Variants in EVA1C observed in about 807,000 individuals in gnomAD.
EVA1C encodes protein eva-1 homolog C.
Under a neutral mutation model 45.4 loss-of-function variants are expected in EVA1C, and 25 were observed. The observed-to-expected ratio is 0.55, with a 90% CI of 0.40 to 0.77. The LOEUF (loss-of-function observed/expected upper bound fraction) is 0.77, where lower values mean the gene tolerates loss of function less well. Among genes scored for constraint, EVA1C ranks in the 30% least tolerant of loss-of-function variants. The pLI is 0.00. For missense variants in EVA1C, 479 were observed against 554.8 expected (o/e 0.86, Z 1.37); for synonymous variants, 190 against 221.2 (o/e 0.86, Z 1.25).
chr21:32,483,525 G>T (rs1169098998), intron 4 of EVA1C, among the ~76,000 whole-genome samples: 1 of 152,204 alleles, frequency 6.6e-6, no homozygotes, highest in Non-Finnish European at 1.5e-5. Context: ...TCAGGGGAAA[G>T]ATGGATTTAT....
chr21:32,479,153 G>A (rs770852919), intron 4 of EVA1C, among the ~76,000 whole-genome samples: 1 of 152,264 alleles, frequency 6.6e-6, no homozygotes, highest in Non-Finnish European at 1.5e-5. Context: ...GGGAGCGGTG[G>A]CTCACGCCTG....
intron 4 of EVA1C, among the ~76,000 whole-genome samples, chr21:32,477,582 T>C (rs2036610110): frequency 6.6e-6 from 1 of 151,950 alleles, no homozygotes; most frequent in African/African-American, 2.4e-5. Context: ...TTGGTGCTGA[T>C]TGTTGGTGGG....
chr21:32,493,032 G>C (rs1029530901), intron 4 of EVA1C, among the ~76,000 whole-genome samples: 7 of 152,132 alleles, frequency 4.6e-5, no homozygotes, highest in African/African-American at 1.7e-4. Context: ...ATAATTATCT[G>C]TATTTATTGG....
chr21:32,498,164 C>G (rs1030265149), intron 5 of EVA1C, among the ~76,000 whole-genome samples: 1 of 152,252 alleles, frequency 6.6e-6, no homozygotes, highest in East Asian at 1.9e-4. Context: ...CAAAGAGACA[C>G]GGCCAGGTGC....
At chr21:32,501,593 G>C in intron 6 of EVA1C, 98 bp downstream of exon 6, 1 of 1,498,308 alleles carries the variant, frequency 6.7e-7, no homozygotes, top group South Asian at 1.3e-5. Flanking sequence ...AATGGAAGGG[G>C]CTGTCAGGAG....
intron 7 of EVA1C, among the ~76,000 whole-genome samples, chr21:32,510,205 C>A (rs537423943): frequency 6.0e-4 from 91 of 152,042 alleles, no homozygotes; most frequent in Non-Finnish European, 1.1e-3. Context: ...CACGCCACCA[C>A]CCCTGGCTAA....
At chr21:32,493,767 G>A (rs2037245839) in intron 4 of EVA1C, 1 of 144,316 alleles carries the variant, frequency 6.9e-6, no homozygotes, top group South Asian at 2.3e-4. Flanking sequence ...AGCAAGGTAG[G>A]CTTTTTATTT....
intron 7 of EVA1C, among the ~76,000 whole-genome samples, chr21:32,511,906 TAA>T (rs2037967965): frequency 1.3e-5 from 2 of 151,900 alleles, no homozygotes; most frequent in South Asian, 2.1e-4. Context: ...AGCAGGCAAA[TAA>T]ACAGTTCCCG....
Position 32,495,049 on chromosome 21 carries a change from G to C in EVA1C, c.657G>C (p.Leu219Phe). The C allele has an allele frequency of 6.2e-7, 1 of 1,614,072 alleles. No individual in the cohort carries two copies. Among genetic ancestry groups the C allele is most frequent in the Non-Finnish European group, 8.5e-7 (1 of 1,180,016 alleles). ...PPFDCLSYSA[L>F]QVLSRRCYGK... ...CAGATTGCTTGTCTTACTCAGCTTT[G>C]CAAGTCCTATCCCGAAGGTGCTATG... The change falls in exon 5 of 8, where the codon TTG becomes TTC. Residue 219 changes from leucine to phenylalanine, a missense_variant. Physicochemically the swap from Leu to Phe is conservative, Grantham distance 22. Coordinates refer to ENST00000300255, the MANE Select transcript of EVA1C (RefSeq NM_058187.5).
intron 4 of EVA1C, among the ~76,000 whole-genome samples, chr21:32,470,716 C>T (rs752398253): frequency 5.9e-5 from 9 of 152,070 alleles, no homozygotes; most frequent in Admixed American, 1.3e-4. Context: ...TGCCTTTCTC[C>T]CCACAGTGGC....
intron 1 of EVA1C, among the ~76,000 whole-genome samples, chr21:32,425,004 C>T (rs375084908): frequency 1.3e-5 from 2 of 152,090 alleles, no homozygotes; most frequent in Admixed American, 6.6e-5. Flanking sequence ...CTACACACCC[C>T]GCTAATTTTT....
At chr21:32,412,531 C>A (rs1442412959), upstream of EVA1C, 3 of 257,040 alleles carry the variant, frequency 1.2e-5, no homozygotes, top group Non-Finnish European at 2.2e-5. Context: ...CCTGGGCAGC[C>A]GCGGGGCGCG....
chr21:32,416,372 AG>A (rs2034049323), intron 1 of EVA1C, among the ~76,000 whole-genome samples: 1 of 133,282 alleles, frequency 7.5e-6, no homozygotes, highest in African/African-American at 2.8e-5. Context: ...TCTGTTGCCC[AG>A]GCTGGAGTGC....
rs546739606 is a variant in EVA1C at position 32,453,199 on chromosome 21, A to G, written c.161-113A>G. ...AGCTGCTAGGGAGGCCCCATCCCAC[A>G]TGTTGTTGATTGAACAGCCCTTCCC... On this transcript the variant is annotated intron_variant, in intron 1 of 7. Coordinates refer to ENST00000300255, the MANE Select transcript of EVA1C (RefSeq NM_058187.5). 40 of 676,634 alleles carry G rather than the reference A, an allele frequency of 5.9e-5. 1 individual carries two copies. In the South Asian group the frequency reaches 6.8e-4, roughly 11 times the overall value. The allele number at this position is 676,634 out of a possible 1,614,324, so 41.9% of individuals were successfully genotyped here. A position where few individuals can be genotyped will look rare whatever the true frequency, so the allele number is the denominator to read the frequency against.
At chr21:32,475,463 CT>C (rs775162227) in intron 4 of EVA1C, among the ~76,000 whole-genome samples, 8,563 of 127,200 alleles carry the variant, frequency 0.067, 293 homozygotes, top group African/African-American at 0.13. Flanking sequence ...AAAGTTCTTA[CT>C]TTTTTTTTTT....
At chr21:32,501,569 C>T (rs1347054346) in intron 6 of EVA1C, 74 bp downstream of exon 6, 1 of 1,568,136 alleles carries the variant, frequency 6.4e-7, no homozygotes, top group Non-Finnish European at 8.6e-7. Context: ...CACAGTTGGG[C>T]ACACCTTGGT....
intron 1 of EVA1C, among the ~76,000 whole-genome samples, chr21:32,434,984 T>C (rs2034881826): frequency 6.6e-6 from 1 of 152,308 alleles, no homozygotes; most frequent in Non-Finnish European, 1.5e-5. Flanking sequence ...CCATAAGTGC[T>C]GTTGTTATTG....
chr21:32,434,132 A>T (rs1003397387), intron 1 of EVA1C, among the ~76,000 whole-genome samples: 1 of 151,780 alleles, frequency 6.6e-6, no homozygotes, highest in African/African-American at 2.4e-5. Context: ...TGTCTCTACT[A>T]AAAATACAAA....
chr21:32,497,195 G>A (rs1448997046), intron 5 of EVA1C: 2 of 803,296 alleles, frequency 2.5e-6, no homozygotes, highest in Non-Finnish European at 4.5e-6. Flanking sequence ...GAATGGAAGA[G>A]TATGGGTTAA....
Sources: gnomAD v4.1 joint callset for allele counts (sites outside exome capture counted in the v4.1 genomes callset) on GRCh38, gnomAD v4.1.1 for gene constraint, MANE v1.5 for transcripts, NCBI Gene and HGNC (gene_info 2026-07-23, HGNC 2026-07-21) for gene names.